TM9SF3: variants seen among roughly 807,000 people sequenced by gnomAD.
TM9SF3 encodes the protein SM-11044-binding protein.
TM9SF3 carries 14 observed loss-of-function variants against 78.6 expected under a neutral mutation model. The observed-to-expected ratio is 0.18, with a 90% CI of 0.12 to 0.28. The LOEUF is 0.28. Among genes scored for constraint, TM9SF3 ranks in the 10% least tolerant of loss-of-function variants. The probability of loss-of-function intolerance (pLI) is 1.00; values close to 1 mark genes in which losing one functional copy is unlikely to be tolerated. For missense variants in TM9SF3, 496 were observed against 721.9 expected, an observed-to-expected ratio of 0.69 and a Z score of 3.59; for synonymous variants, 231 against 241.7, an observed-to-expected ratio of 0.96 and a Z score of 0.41.
In TM9SF3 at chr10:96,586,919, GC is replaced by G. The variant is rs550421009; in HGVS notation, c.-85del. 9.2e-7 allele frequency: 1 copy of G among 1,082,258 alleles called. No individual in the cohort carries two copies. The highest frequency in any genetic ancestry group is 4.4e-5 in the East Asian group (1 of 22,718). 67.0% of individuals were successfully genotyped at this position (1,082,258 alleles called of 1,614,324 possible). A position where few individuals can be genotyped will look rare whatever the true frequency, so the allele number is the denominator to read the frequency against. On this transcript the variant is annotated 5_prime_UTR_variant, in exon 1 of 15. An upstream open reading frame in the 5' UTR loses its in-frame stop. Transcript: ENST00000371142. ...CTCCGCCGCCGCCGCCTCCGCCGCGGCCGATTCGCATCCACGGGGCGCGGAC... is the reference window on the plus strand; with the variant it reads ...CTCCGCCGCCGCCGCCTCCGCCGCGGCGATTCGCATCCACGGGGCGCGGAC...
intron 7 of TM9SF3, among the ~76,000 whole-genome samples, chr10:96,549,736 TG>T (rs1848145231): frequency 6.6e-6 from 1 of 151,062 alleles, no homozygotes; most frequent in East Asian, 1.9e-4. Context: ...ATGCATGACT[TG>T]CCTGCTAATA....
At chr10:96,574,073 A>G (rs1466214948) in intron 2 of TM9SF3, among the ~76,000 whole-genome samples, 1 of 152,222 alleles carries the variant, frequency 6.6e-6, no homozygotes, top group Admixed American at 6.5e-5. Context: ...ATAGACAAAC[A>G]GGATCTAATT....
chr10:96,519,183 T>C lies in TM9SF3; in HGVS notation c.*3080A>G, dbSNP rs1847731255. 1 of 152,040 alleles carries C rather than the reference T, an allele frequency of 6.6e-6. No individual in the cohort carries two copies. The highest frequency in any genetic ancestry group is 1.5e-5 in the Non-Finnish European group (1 of 67,910). The allele number at this position is 152,040 out of a possible 1,614,324, so 9.4% of individuals were successfully genotyped here. On this transcript the variant is annotated 3_prime_UTR_variant, in exon 15 of 15. Transcript: ENST00000371142. ...TTTGGTATAAGGTGGTTAATAAATATTAGGAAACAAACACTGTACCAAAAT... is the reference window on the plus strand; with the variant it reads ...TTTGGTATAAGGTGGTTAATAAATACTAGGAAACAAACACTGTACCAAAAT...
chr10:96,575,567 T>C (rs1462027109), intron 2 of TM9SF3, among the ~76,000 whole-genome samples: 1 of 152,068 alleles, frequency 6.6e-6, no homozygotes, highest in Non-Finnish European at 1.5e-5. Flanking sequence ...GAAATTAAAG[T>C]AACATTATCT....
intron 4 of TM9SF3, chr10:96,560,767 C>CA (rs1477733313): frequency 5.3e-6 from 3 of 566,810 alleles, no homozygotes; most frequent in Non-Finnish European, 1.0e-5. Flanking sequence ...GCACAAAAGT[C>CA]AAATCAGAAT....
Position 96,548,073 on chromosome 10 carries a change from T to C in TM9SF3, c.960-84A>G, listed in dbSNP as rs560743245. 2.8e-5 allele frequency: 23 copies of C among 825,790 alleles called. No individual in the cohort carries two copies. The South Asian group carries it at 4.5e-4, about 16-fold the overall frequency. The allele number at this position is 825,790 out of a possible 1,614,324, so 51.2% of individuals were successfully genotyped here. Reference sequence around the variant, plus strand: ...GTCTATTATATTAGCATTAGTTTAATTTCAAAGATAACTTTAACAGAAATA... The same window carrying C: ...GTCTATTATATTAGCATTAGTTTAACTTCAAAGATAACTTTAACAGAAATA... On this transcript the variant is annotated intron_variant, in intron 7 of 14. Transcript: ENST00000371142.
intron 5 of TM9SF3, among the ~76,000 whole-genome samples, chr10:96,553,486 A>C (rs1416130072): frequency 6.6e-6 from 1 of 152,170 alleles, no homozygotes. Context: ...GTAGGGCTTA[A>C]TAATGTATAT....
chr10:96,542,803 T>G (rs1848050098), intron 9 of TM9SF3, among the ~76,000 whole-genome samples: 1 of 152,132 alleles, frequency 6.6e-6, no homozygotes, highest in African/African-American at 2.4e-5. Flanking sequence ...AAATTTCCAT[T>G]CTGAAACAAG....
At chr10:96,564,585 TGATA>T (rs1848348424) in intron 3 of TM9SF3, among the ~76,000 whole-genome samples, 1 of 152,394 alleles carries the variant, frequency 6.6e-6, no homozygotes, top group African/African-American at 2.4e-5. Context: ...GTTCAGACTT[TGATA>T]GTTTACTGCT....
chr10:96,576,679 G>C lies in TM9SF3; in HGVS notation c.253C>G (p.Gln85Glu). The C allele has an allele frequency of 6.2e-7, 1 of 1,606,944 alleles. No homozygotes were observed. The highest frequency in any genetic ancestry group is 8.5e-7 in the Non-Finnish European group (1 of 1,177,572). Reference sequence around the variant, plus strand: ...CCACTAAATTCCAATTCAACCCCTTGAAGTGCTTCTCCCAGAGTTTCATGG... The same window carrying C: ...CCACTAAATTCCAATTCAACCCCTTCAAGTGCTTCTCCCAGAGTTTCATGG... ...HYHETLGEAL[Q>E]GVELEFSGLD... The change falls in exon 2 of 15, where the codon CAA (glutamine) becomes GAA (glutamate). Residue 85 changes from glutamine to glutamate, a missense_variant. By Grantham distance (29) the Gln-to-Glu change is conservative. Coordinates refer to ENST00000371142, the MANE Select transcript of TM9SF3 (RefSeq NM_020123.4).
chr10:96,555,737 T>C (rs1166147607), intron 5 of TM9SF3, among the ~76,000 whole-genome samples: 1 of 152,154 alleles, frequency 6.6e-6, no homozygotes, highest in African/African-American at 2.4e-5. Context: ...TTTTTTGAAA[T>C]GTTTGCTCAA....
intron 2 of TM9SF3, among the ~76,000 whole-genome samples, chr10:96,568,363 C>G (rs1194436839): frequency 6.6e-6 from 1 of 152,174 alleles, no homozygotes. Flanking sequence ...AAACACACAT[C>G]CATGAATTCT....
intron 1 of TM9SF3, among the ~76,000 whole-genome samples, chr10:96,578,533 C>T (rs775303075): frequency 2.0e-5 from 3 of 152,158 alleles, no homozygotes; most frequent in Non-Finnish European, 4.4e-5. Context: ...ATAATCTTCA[C>T]ATAGGAAGTA....
chr10:96,580,040 A>G (rs928803597), intron 1 of TM9SF3, among the ~76,000 whole-genome samples: 1 of 152,172 alleles, frequency 6.6e-6, no homozygotes, highest in African/African-American at 2.4e-5. Context: ...GTGGAGTCAC[A>G]GAAGCACAGC....
intron 2 of TM9SF3, among the ~76,000 whole-genome samples, chr10:96,573,083 G>A (rs1053287080): frequency 1.3e-5 from 2 of 152,140 alleles, no homozygotes; most frequent in African/African-American, 4.8e-5. Flanking sequence ...GTTTTCTCTG[G>A]TTTCACATTT....
At chr10:96,526,130 A>T (rs1847835751) in intron 14 of TM9SF3, among the ~76,000 whole-genome samples, 1 of 152,116 alleles carries the variant, frequency 6.6e-6, no homozygotes, top group Admixed American at 6.6e-5. Flanking sequence ...CTATTTTGCA[A>T]ATGAGTAAAG....
chr10:96,576,888 G>T, intron 1 of TM9SF3, 59 bp from the exon 2 acceptor site: 1 of 1,365,284 alleles, frequency 7.3e-7, no homozygotes. Flanking sequence ...TCAAATTAAG[G>T]GAATATTTGT....
At chr10:96,585,355 G>A (rs1251819713) in intron 1 of TM9SF3, among the ~76,000 whole-genome samples, 3 of 152,298 alleles carry the variant, frequency 2.0e-5, no homozygotes, top group East Asian at 1.9e-4. Flanking sequence ...TGTATACTAT[G>A]TGAAACAATA....
chr10:96,585,750 AAC>A (rs767695834), intron 1 of TM9SF3, among the ~76,000 whole-genome samples: 4 of 152,232 alleles, frequency 2.6e-5, no homozygotes, highest in African/African-American at 7.2e-5. Flanking sequence ...ATTTAGTACA[AAC>A]ACAGTCTCTC....
Sources: gnomAD v4.1 joint callset for allele counts (sites outside exome capture counted in the v4.1 genomes callset) on GRCh38, gnomAD v4.1.1 for gene constraint, MANE v1.5 for transcripts, NCBI Gene and HGNC (gene_info 2026-07-23, HGNC 2026-07-21) for gene names.